Variants in UNC13C observed in about 807,000 individuals in gnomAD.
UNC13C encodes the protein protein unc-13 homolog C.
UNC13C carries 174 observed loss-of-function variants against 245.4 expected under a neutral mutation model. The observed-to-expected ratio is 0.71, with a 90% CI of 0.63 to 0.80. The LOEUF is 0.80. Ranked by LOEUF, UNC13C falls within the 30% of genes least tolerant of loss-of-function variation. The probability of loss-of-function intolerance (pLI) is 0.00; values close to 1 mark genes in which losing one functional copy is unlikely to be tolerated. For synonymous variants in UNC13C, 992 were observed against 895.1 expected (o/e 1.11, Z -1.93); for missense variants, 2,829 against 2,602.9 (o/e 1.09, Z -1.89).
chr15:54,151,784 T>C (rs1399387844), intron 4 of UNC13C, among the ~76,000 whole-genome samples: 2 of 152,156 alleles, frequency 1.3e-5, no homozygotes, highest in African/African-American at 4.8e-5. Context: ...AGAGCTGCCA[T>C]CAACTCTGAC....
intron 29 of UNC13C, among the ~76,000 whole-genome samples, chr15:54,565,762 T>C (rs144595858): frequency 7.2e-5 from 11 of 152,164 alleles, no homozygotes; most frequent in African/African-American, 2.4e-4. Context: ...AAATCATCTA[T>C]ACTATTATTA....
chr15:54,180,533 G>T (rs556976539), intron 4 of UNC13C, among the ~76,000 whole-genome samples: 1 of 152,054 alleles, frequency 6.6e-6, no homozygotes, highest in South Asian at 2.1e-4. Flanking sequence ...GGCATTGCTG[G>T]GTCAAATGGC....
intron 2 of UNC13C, among the ~76,000 whole-genome samples, chr15:54,105,003 T>A (rs1271230171): frequency 6.6e-6 from 1 of 152,228 alleles, no homozygotes; most frequent in Non-Finnish European, 1.5e-5. Context: ...ATCTCATCTC[T>A]AAGGCTCTTC....
intron 19 of UNC13C, among the ~76,000 whole-genome samples, chr15:54,438,534 C>G (rs534233797): frequency 6.6e-6 from 1 of 152,092 alleles, no homozygotes; most frequent in South Asian, 2.1e-4. Context: ...TTACATATAA[C>G]TAGAATCTTC....
chr15:54,021,785 A>G (rs547081826), intron 2 of UNC13C, among the ~76,000 whole-genome samples: 2 of 152,360 alleles, frequency 1.3e-5, no homozygotes, highest in African/African-American at 4.8e-5. Context: ...CCAAAAGATT[A>G]TAATACTGTA....
rs529781454 is a variant in UNC13C at position 54,597,385 on chromosome 15, G to C, written c.6107-24942G>C. On this transcript the variant is annotated intron_variant, in intron 30 of 32. Transcript: ENST00000260323. ...GATAGCTTAACACCTTTGGAATCCA[G>C]GGTCCTCTGGTAGGAAGATATTCCA... Among the ~76,000 whole-genome samples the C allele has an allele frequency of 3.3e-5, 5 of 152,258 alleles. No homozygotes were observed. The South Asian group carries it at 1.0e-3, about 32-fold the overall frequency.
intron 17 of UNC13C, among the ~76,000 whole-genome samples, chr15:54,343,760 G>A (rs999489883): frequency 6.6e-6 from 1 of 152,080 alleles, no homozygotes; most frequent in East Asian, 1.9e-4. Context: ...TACCCCAATA[G>A]GATTTTATAG....
intron 2 of UNC13C, among the ~76,000 whole-genome samples, chr15:54,062,064 A>C (rs1442411322): frequency 6.6e-6 from 1 of 152,114 alleles, no homozygotes; most frequent in African/African-American, 2.4e-5. Flanking sequence ...TCACACCTGT[A>C]ATCCCAGCAG....
At chr15:54,330,232 T>G (rs1338252527) in intron 14 of UNC13C, among the ~76,000 whole-genome samples, 1 of 152,052 alleles carries the variant, frequency 6.6e-6, no homozygotes, top group Non-Finnish European at 1.5e-5. Context: ...AAACACTATC[T>G]GCCAAGCACT....
chr15:53,930,277 A>C, the UNC13C span, among the ~76,000 whole-genome samples: 1 of 152,282 alleles, frequency 6.6e-6, no homozygotes, highest in African/African-American at 2.4e-5. Context: ...AGTAGATACT[A>C]CCAGTCCTCT....
Position 54,143,679 on chromosome 15 carries a change from T to C in UNC13C, c.3066T>C (p.Cys1022=), listed in dbSNP as rs1435973137. ...DASKFSALQV[C]GGAGGGLYGI... ...CCAAATTTTCTGCACTCCAGGTGTG[T>C]GGTGGGTAAGTACCTTCATACCTTT... The change falls in exon 4 of 33, where the codon TGT becomes TGC. Residue 1022 remains cysteine, a synonymous_variant. Coordinates refer to ENST00000260323, the MANE Select transcript of UNC13C (RefSeq NM_001080534.3). 1 of 1,612,734 alleles carries C rather than the reference T, an allele frequency of 6.2e-7. No individual in the cohort carries two copies. The highest frequency in any genetic ancestry group is 8.5e-7 in the Non-Finnish European group (1 of 1,178,890).
chr15:54,129,580 TA>T (rs1249489875), intron 2 of UNC13C, among the ~76,000 whole-genome samples: 1 of 151,994 alleles, frequency 6.6e-6, no homozygotes, highest in Non-Finnish European at 1.5e-5. Flanking sequence ...GTTTTTCTAT[TA>T]TTTTTGAGTA....
intron 16 of UNC13C, among the ~76,000 whole-genome samples, 198 bp from the exon 17 acceptor site, chr15:54,338,163 C>T (rs911189085): frequency 6.6e-6 from 1 of 152,224 alleles, no homozygotes; most frequent in Middle Eastern, 3.4e-3. Context: ...TGAGTGTTTA[C>T]AGCCATTATC....
At chr15:53,958,137 A>G in the UNC13C span, among the ~76,000 whole-genome samples, 7 of 152,202 alleles carry the variant, frequency 4.6e-5, no homozygotes, top group Non-Finnish European at 7.3e-5. Flanking sequence ...AGAGCTGCAG[A>G]TAATTTTAGA....
the UNC13C span, among the ~76,000 whole-genome samples, chr15:53,918,288 T>G: frequency 0.038 from 5,713 of 152,178 alleles, 174 homozygotes; most frequent in South Asian, 0.13. Flanking sequence ...TCCAGGGAGA[T>G]GAGCAGGTAT....
At chr15:54,084,115 G>A (rs371331095) in intron 2 of UNC13C, among the ~76,000 whole-genome samples, 29 of 152,304 alleles carry the variant, frequency 1.9e-4, no homozygotes, top group African/African-American at 7.0e-4. Flanking sequence ...ACGTTGCTCT[G>A]GGGTCGGTCT....
In UNC13C at chr15:54,210,719, C is replaced by G. The variant is rs117374204; in HGVS notation, c.3072-24311C>G. ...TCTGCCACAGTTGCATGGATGCTGG[C>G]AGAAAATACCATAATCCTGATACAA... On this transcript the variant is annotated intron_variant, in intron 4 of 32. Transcript: ENST00000260323. Among the ~76,000 whole-genome samples, 1,084 of 152,178 alleles carry G rather than the reference C, an allele frequency of 7.1e-3. 7 individuals are homozygous for G. Among genetic ancestry groups the G allele is most frequent in the Non-Finnish European group, 0.013 (856 of 68,002 alleles).
At chr15:53,884,007 A>T in the UNC13C span, among the ~76,000 whole-genome samples, 43 of 152,138 alleles carry the variant, frequency 2.8e-4, no homozygotes, top group African/African-American at 9.7e-4. Flanking sequence ...CAGTTTTGCC[A>T]AGTTGCCTTG....
intron 1 of UNC13C, among the ~76,000 whole-genome samples, chr15:54,008,022 A>G (rs1017491745): frequency 6.6e-6 from 1 of 152,208 alleles, no homozygotes; most frequent in African/African-American, 2.4e-5. Context: ...ACTTTACTGC[A>G]TTTAGTAAGG....
Sources: allele counts gnomAD v4.1 joint callset (sites outside exome capture counted in the v4.1 genomes callset), GRCh38; gene constraint gnomAD v4.1.1; transcripts MANE v1.5; gene names NCBI Gene and HGNC (gene_info 2026-07-23, HGNC 2026-07-21).